The following DDX19A variants were observed in gnomAD, a reference collection of about 807,000 sequenced individuals.
The protein encoded by DDX19A is DEAD-box helicase 19A.
Under a neutral mutation model 60.6 loss-of-function variants are expected in DDX19A, and 12 were observed. The observed-to-expected ratio is 0.20, with a 90% CI of 0.13 to 0.32. The LOEUF (loss-of-function observed/expected upper bound fraction) is 0.32, where lower values mean the gene tolerates loss of function less well. DDX19A is among the 10% of genes least tolerant of loss of function. The probability of loss-of-function intolerance (pLI) is 1.00; values close to 1 mark genes in which losing one functional copy is unlikely to be tolerated. For synonymous variants in DDX19A, 206 were observed against 218.2 expected, an observed-to-expected ratio of 0.94 and a Z score of 0.49; for missense variants, 337 against 600.6, an observed-to-expected ratio of 0.56 and a Z score of 4.59.
At chr16:70,365,306 G>C in intron 7 of DDX19A, 175 bp downstream of exon 7, 1 of 431,274 alleles carries the variant, frequency 2.3e-6, no homozygotes. Context: ...GTCTTTTTCA[G>C]TCTTAAAATA....
chr16:70,362,701 C>T (rs1033059111), intron 5 of DDX19A, among the ~76,000 whole-genome samples: 13 of 152,214 alleles, frequency 8.5e-5, no homozygotes, highest in East Asian at 3.9e-4. Flanking sequence ...CCTCAGCCTC[C>T]GGAGTAGCTG....
chr16:70,355,792 T>C (rs1279935996), intron 3 of DDX19A: 4 of 576,314 alleles, frequency 6.9e-6, no homozygotes, highest in African/African-American at 5.6e-5. Context: ...TGAGACCCCA[T>C]CTCTACAAAA....
chr16:70,361,802 C>T (rs138290446), intron 5 of DDX19A, among the ~76,000 whole-genome samples: 18 of 152,052 alleles, frequency 1.2e-4, no homozygotes, highest in Admixed American at 6.6e-4. Context: ...TTTGGGAGGC[C>T]GAGGCGGGCG....
chr16:70,371,661 T>G, intron 11 of DDX19A, 98 bp downstream of exon 11: 1 of 712,686 alleles, frequency 1.4e-6, no homozygotes, highest in Non-Finnish European at 2.3e-6. Flanking sequence ...AGAGGCTCTG[T>G]CCCTAGCACA....
At chr16:70,359,761 G>C (rs1358449413) in intron 4 of DDX19A, among the ~76,000 whole-genome samples, 1 of 152,050 alleles carries the variant, frequency 6.6e-6, no homozygotes, top group Non-Finnish European at 1.5e-5. Context: ...AAGGGTGGGA[G>C]GATCTCTTGA....
rs765722278 is a variant in DDX19A, at chr16:70,370,247, G to A, written c.1045G>A (p.Ala349Thr). 6.2e-6 allele frequency: 10 copies of A among 1,613,292 alleles called. No homozygotes were observed. The Admixed American group carries it at 1.3e-4, about 22-fold the overall frequency. Residue 349 changes from alanine (A) to threonine (T), a missense_variant, in exon 10 of 12, where the codon GCA (alanine) becomes ACA (threonine). Ala to Thr is a moderately conservative substitution (Grantham distance 58). Transcript: ENST00000302243. Reference sequence around the variant, plus strand: ...GACTCGCAAAACAGCTAGTTGGCTGGCAGCAGAGCTCTCAAAAGAAGGCCA... The same window carrying A: ...GACTCGCAAAACAGCTAGTTGGCTGACAGCAGAGCTCTCAAAAGAAGGCCA... ...CHTRKTASWL[A>T]AELSKEGHQV...
At chr16:70,352,216 T>G (rs983945911) in intron 2 of DDX19A, among the ~76,000 whole-genome samples, 1 of 152,134 alleles carries the variant, frequency 6.6e-6, no homozygotes, top group Non-Finnish European at 1.5e-5. Flanking sequence ...TACAGTATAC[T>G]TACTTTTTCA....
intron 3 of DDX19A, chr16:70,355,781 C>T (rs1234212703): frequency 3.5e-6 from 2 of 579,626 alleles, no homozygotes; most frequent in African/African-American, 3.7e-5. Context: ...GGGCAACATA[C>T]TGAGACCCCA....
Position 70,372,387 on chromosome 16 carries a change from C to T in DDX19A, c.*401C>T, listed in dbSNP as rs557055038. The T allele has an allele frequency of 3.6e-6, 1 of 281,620 alleles. No individual in the cohort carries two copies. Among genetic ancestry groups the T allele is most frequent in the Non-Finnish European group, 6.8e-6 (1 of 146,594 alleles). The allele number at this position is 281,620 out of a possible 1,614,324, so 17.4% of individuals were successfully genotyped here. Reference sequence around the variant, plus strand: ...TGAGTGGAAAATGGTGTGAGCCCCACCGCTGTGCATCGAATGAGGGAAGTG... The same window carrying T: ...TGAGTGGAAAATGGTGTGAGCCCCATCGCTGTGCATCGAATGAGGGAAGTG... On this transcript the variant is annotated 3_prime_UTR_variant, in exon 12 of 12. Transcript: ENST00000302243.
chr16:70,366,648 G>A lies in DDX19A; in HGVS notation c.807G>A (p.Met269Ile), dbSNP rs773297907. The change falls in exon 9 of 12, where the codon ATG becomes ATA. Residue 269 changes from methionine (M) to isoleucine (I), a missense_variant. Coordinates refer to ENST00000302243, the MANE Select transcript of DDX19A (RefSeq NM_018332.5). ...IQRMLPRNCQ[M>I]LLFSATFEDS... ...GGATGCTGCCCAGGAACTGCCAGAT[G>A]CTGCTTTTCTCCGCCACCTTTGAAG... The A allele has an allele frequency of 3.7e-6, 6 of 1,614,214 alleles. No individual in the cohort carries two copies. Among genetic ancestry groups the A allele is most frequent in the Non-Finnish European group, 5.1e-6 (6 of 1,180,044 alleles).
At position 70,365,150 on chromosome 16, in the gene DDX19A, A is replaced by G; in HGVS notation, c.604+19A>G. ...AATAAATGTGAGTACGGCAGGCGAC[A>G]ACTGAACAGTGAGCAGGGTAGGGGG... On this transcript the variant is annotated intron_variant, in intron 7 of 11. Transcript: ENST00000302243. 1.3e-6 allele frequency: 2 copies of G among 1,542,212 alleles called. No homozygotes were observed. The highest frequency in any genetic ancestry group is 1.8e-6 in the Non-Finnish European group (2 of 1,114,596).
chr16:70,368,959 C>T (rs1289169261), intron 9 of DDX19A, among the ~76,000 whole-genome samples: 6 of 151,922 alleles, frequency 3.9e-5, no homozygotes, highest in East Asian at 1.9e-4. Flanking sequence ...CTCTGCCTCC[C>T]GGGTTCTAGC....
chr16:70,372,189 G>A lies in DDX19A; in HGVS notation c.*203G>A. ...AATAGAAGAAAAAATTTGCATTTTG[G>A]AAAATTGGGTCCTTTCCCCACTTTT... On this transcript the variant is annotated 3_prime_UTR_variant, in exon 12 of 12. Transcript: ENST00000302243. The A allele has an allele frequency of 1.3e-6, 1 of 780,746 alleles. No individual in the cohort carries two copies. The highest frequency in any genetic ancestry group is 2.0e-6 in the Non-Finnish European group (1 of 489,390). The allele number at this position is 780,746 out of a possible 1,614,324, so 48.4% of individuals were successfully genotyped here.
At chr16:70,362,883 G>A (rs554195320) in intron 5 of DDX19A, among the ~76,000 whole-genome samples, 79 of 151,660 alleles carry the variant, frequency 5.2e-4, no homozygotes, top group African/African-American at 1.6e-3. Flanking sequence ...GCTTGGTGGC[G>A]CACACCTGTA....
In DDX19A at chr16:70,366,072, T is replaced by C. The variant is rs1357417605; in HGVS notation, c.605-13T>C. ...CTTTGAAATACCTATGAAAATCACC[T>C]GGGTCTCCACAGTGGAAAGAGGCCA... On this transcript the variant is annotated splice_polypyrimidine_tract_variant and intron_variant, in intron 7 of 11. Transcript: ENST00000302243. 6.2e-7 allele frequency: 1 copy of C among 1,614,060 alleles called. No individual in the cohort carries two copies. The highest frequency in any genetic ancestry group is 8.5e-7 in the Non-Finnish European group (1 of 1,180,036).
chr16:70,366,891 C>CA (rs1555553906), intron 9 of DDX19A, 30 bp downstream of exon 9: 2 of 1,612,844 alleles, frequency 1.2e-6, no homozygotes, highest in African/African-American at 2.7e-5. Flanking sequence ...GCAGGCCTGG[C>CA]CCCTCCCTCT....
Position 70,366,925 on chromosome 16 carries a change from G to A in DDX19A, c.1020+64G>A. On this transcript the variant is annotated intron_variant, in intron 9 of 11. Coordinates refer to ENST00000302243, the MANE Select transcript of DDX19A (RefSeq NM_018332.5). ...CTCAGCCAGCTCCCCACAGGGCTCA[G>A]GAGGACTGGATGCCCCTGAGCGCCA... 4 of 1,589,510 alleles carry A rather than the reference G, an allele frequency of 2.5e-6. No individual in the cohort carries two copies. In the East Asian group the frequency reaches 8.9e-5, roughly 36 times the overall value.
chr16:70,357,362 G>GTTTTTTTTTTTTTTTTT (rs1248365917), intron 4 of DDX19A, among the ~76,000 whole-genome samples: 2 of 48,876 alleles, frequency 4.1e-5, no homozygotes, highest in African/African-American at 8.0e-5. Flanking sequence ...TCTGTTTTTG[G>GTTTTTTTTTTTTTTTTT]TTTGTTTTTT....
chr16:70,364,685 C>T (rs1308818526), intron 6 of DDX19A, 40 bp downstream of exon 6: 3 of 1,476,612 alleles, frequency 2.0e-6, no homozygotes, highest in Non-Finnish European at 2.8e-6. Flanking sequence ...GTTGCCTGCC[C>T]TGGGGAGCGC....
Sources: allele counts gnomAD v4.1 joint callset (sites outside exome capture counted in the v4.1 genomes callset), GRCh38; gene constraint gnomAD v4.1.1; transcripts MANE v1.5; gene names NCBI Gene and HGNC (gene_info 2026-07-23, HGNC 2026-07-21).